Variants in PPL observed in about 807,000 individuals in gnomAD.
PPL encodes the protein 190 kDa paraneoplastic pemphigus antigen.
Under a neutral mutation model 194.4 loss-of-function variants are expected in PPL, and 198 were observed. The ratio of observed to expected loss-of-function variants is 1.02; its 90% CI spans 0.91 to 1.15. The LOEUF is 1.15. Among genes scored for constraint, PPL ranks in the 50% most tolerant of loss-of-function variants. The pLI is 0.00. For synonymous variants in PPL, 1,220 were observed against 972.4 expected, an observed-to-expected ratio of 1.25 and a Z score of -4.74; for missense variants, 2,885 against 2,294.8, an observed-to-expected ratio of 1.26 and a Z score of -5.25.
chr16:4,886,001 G>A lies in PPL; in HGVS notation c.2654C>T (p.Pro885Leu), dbSNP rs368831350. The change falls in exon 22 of 22, where the codon CCG (proline) becomes CTG (leucine). Residue 885 changes from proline (P) to leucine (L), a missense_variant. Coordinates refer to ENST00000345988, the MANE Select transcript of PPL (RefSeq NM_002705.5). ...VTHETLQRNR[P>L]DSGVEEAWKI... is the part of the protein sequence containing the mutation. ...CCACGCCTCCTCCACTCCAGAGTCC[G>A]GCCTATTCCTTTGCAGGGTCTCATG... 81 of 1,613,898 alleles carry A rather than the reference G, an allele frequency of 5.0e-5. No individual in the cohort carries two copies. In the African/African-American group the frequency reaches 8.5e-4, roughly 17 times the overall value.
intron 1 of PPL, among the ~76,000 whole-genome samples, chr16:4,921,987 A>T (rs1382765529): frequency 1.3e-5 from 2 of 152,070 alleles, no homozygotes; most frequent in African/African-American, 2.4e-5. Context: ...ACGTGGGCAG[A>T]GAAAGATAAC....
intron 6 of PPL, 117 bp downstream of exon 6, chr16:4,900,713 A>G: frequency 7.0e-7 from 1 of 1,419,428 alleles, no homozygotes. Flanking sequence ...GCTAGGCGTG[A>G]GCCACCATGC....
chr16:4,897,776 AG>A lies in PPL; in HGVS notation c.877-7del. 6.2e-7 allele frequency: 1 copy of A among 1,612,198 alleles called. No homozygotes were observed. On this transcript the variant is annotated splice_region_variant and splice_polypyrimidine_tract_variant and intron_variant, in intron 8 of 21. Coordinates refer to ENST00000345988, the MANE Select transcript of PPL (RefSeq NM_002705.5). ...TGCACAGCCTCCATGTGCGCCTGCC[AG>A]GAAGAGAAGGGGCCGGTCACCACTG...
At chr16:4,886,084 C>T in intron 21 of PPL, 37 bp from the exon 22 acceptor site, 1 of 1,612,504 alleles carries the variant, frequency 6.2e-7, no homozygotes, top group East Asian at 2.2e-5. Flanking sequence ...TAAAGCCAGG[C>T]TCTGGCAGCA....
At position 4,892,175 on chromosome 16, in the gene PPL, C is replaced by T. The variant is rs1004534797; in HGVS notation, c.1689G>A (p.Lys563=). The T allele has an allele frequency of 1.2e-6, 2 of 1,613,660 alleles. No individual in the cohort carries two copies. Among genetic ancestry groups the T allele is most frequent in the African/African-American group, 1.3e-5 (1 of 74,950 alleles). ...CTTCGCCCTCAGCCGTGCTCCGCGTCTTCTCAGGTTCAATCCGCAGTAGCT... is the reference window on the plus strand; with the variant it reads ...CTTCGCCCTCAGCCGTGCTCCGCGTTTTCTCAGGTTCAATCCGCAGTAGCT... The part of the protein sequence containing the change: ...TNELLRIEPE[K]TRSTAEGEAF... The change falls in exon 15 of 22, where the codon AAG becomes AAA. Residue 563 remains lysine (K), a synonymous_variant. Transcript: ENST00000345988.
At chr16:4,911,145 C>T (rs1363722334) in intron 1 of PPL, among the ~76,000 whole-genome samples, 196 bp from the exon 2 acceptor site, 1 of 139,636 alleles carries the variant, frequency 7.2e-6, no homozygotes, top group Non-Finnish European at 1.5e-5. Flanking sequence ...GCCTGGCAGG[C>T]GGTCAGCCTC....
chr16:4,888,371 G>A (rs1310440616), intron 19 of PPL, among the ~76,000 whole-genome samples, 153 bp from the exon 20 acceptor site: 2 of 152,236 alleles, frequency 1.3e-5, no homozygotes, highest in South Asian at 2.1e-4. Context: ...GCACCCTGCA[G>A]TGATTTCCAG....
At chr16:4,915,294 G>T (rs2088896524) in intron 1 of PPL, among the ~76,000 whole-genome samples, 1 of 152,250 alleles carries the variant, frequency 6.6e-6, no homozygotes, top group South Asian at 2.1e-4. Context: ...GAGCAGACAG[G>T]CCAGGCCCAA....
Position 4,930,387 on chromosome 16 carries a change from G to A in PPL, c.62+6597C>T, listed in dbSNP as rs564321717. ...GCAGGGGGCAGCCTGCTCAGGCCTC[G>A]CACTCCTTTCCACTAGCTGGAACCC... On this transcript the variant is annotated intron_variant, in intron 1 of 21. Transcript: ENST00000345988. Among the ~76,000 whole-genome samples the A allele has an allele frequency of 1.3e-3, 197 of 152,292 alleles. 1 individual carries two copies. Among genetic ancestry groups the A allele is most frequent in the African/African-American group, 4.5e-3 (188 of 41,576 alleles).
At chr16:4,934,823 T>A in intron 1 of PPL, among the ~76,000 whole-genome samples, 1 of 151,678 alleles carries the variant, frequency 6.6e-6, no homozygotes, top group East Asian at 1.9e-4. Context: ...GAGGATGGGG[T>A]ACAGGGCTAC....
chr16:4,924,987 C>G (rs531263281), intron 1 of PPL, among the ~76,000 whole-genome samples: 1 of 152,362 alleles, frequency 6.6e-6, no homozygotes, highest in South Asian at 2.1e-4. Context: ...TGTGTGGACA[C>G]AGGTCCCTGC....
At chr16:4,910,996 G>A (rs542457499) in intron 1 of PPL, 47 bp from the exon 2 acceptor site, 11 of 1,517,976 alleles carry the variant, frequency 7.2e-6, no homozygotes, top group South Asian at 1.1e-5. Context: ...CTGGTGGGTG[G>A]GGGCTATGTC....
Position 4,893,239 on chromosome 16 carries a change from T to C in PPL, c.1624A>G (p.Ser542Gly), listed in dbSNP as rs769313152. The change falls in exon 14 of 22, where the codon AGT (serine) becomes GGT (glycine). Residue 542 changes from serine (S) to glycine (G), a missense_variant. Ser to Gly is a moderately conservative substitution (Grantham distance 56). Coordinates refer to ENST00000345988, the MANE Select transcript of PPL (RefSeq NM_002705.5). Reference protein sequence around the residue: ...PLEQGRAVQDSAERAKDLKNI... With the variant: ...PLEQGRAVQDGAERAKDLKNI... ...TTGAGGTCCTTGGCCCGCTCGGCAC[T>C]GTCCTGCACAGCCCGGCCTTGCTCC... 9 of 1,587,134 alleles carry C rather than the reference T, an allele frequency of 5.7e-6. No homozygotes were observed. The South Asian group carries it at 9.0e-5, about 16-fold the overall frequency.
At position 4,930,759 on chromosome 16, in the gene PPL, G is replaced by A. The variant is rs58232606; in HGVS notation, c.62+6225C>T. Among the ~76,000 whole-genome samples the A allele has an allele frequency of 7.1e-3, 1,077 of 152,336 alleles. 7 individuals carry two copies. Among genetic ancestry groups the A allele is most frequent in the African/African-American group, 0.025 (1,022 of 41,582 alleles). ...AAGTGGAAGAGAAGCAGTGAAAAGG[G>A]GTGGGAGGGGCATTCTGGGCAACAG... On this transcript the variant is annotated intron_variant, in intron 1 of 21. Transcript: ENST00000345988.
At chr16:4,933,511 G>A (rs890813884) in intron 1 of PPL, among the ~76,000 whole-genome samples, 1 of 152,154 alleles carries the variant, frequency 6.6e-6, no homozygotes, top group Non-Finnish European at 1.5e-5. Flanking sequence ...CCCCGTGACA[G>A]GTCAGATGCC....
rs139074222 is a variant in PPL at position 4,893,281 on chromosome 16, T to C, written c.1582A>G (p.Ile528Val). Reference sequence around the variant, plus strand: ...CCTTGCTCCAGTGGTGGCCGCAGGATCCCTGTGATGGCCTTCTCCTGCCGG... The same window carrying C: ...CCTTGCTCCAGTGGTGGCCGCAGGACCCCTGTGATGGCCTTCTCCTGCCGG... ...LDRQEKAITG[I>V]LRPPLEQGRA... The change falls in exon 14 of 22, where the codon ATC becomes GTC. Residue 528 changes from isoleucine to valine, a missense_variant. Physicochemically the swap from Ile to Val is conservative, Grantham distance 29. Transcript: ENST00000345988. The C allele has an allele frequency of 1.1e-4, 177 of 1,602,600 alleles. No individual in the cohort carries two copies. Among genetic ancestry groups the C allele is most frequent in the Non-Finnish European group, 1.4e-4 (170 of 1,177,488 alleles).
In PPL at chr16:4,893,240, G is replaced by A. The variant is rs1318173740; in HGVS notation, c.1623C>T (p.Asp541=). 6.3e-6 allele frequency: 10 copies of A among 1,588,048 alleles called. No homozygotes were observed. Among genetic ancestry groups the A allele is most frequent in the East Asian group, 2.3e-5 (1 of 44,090 alleles). ...PPLEQGRAVQ[D]SAERAKDLKN... is the part of the protein sequence containing the mutation. Reference sequence around the variant, plus strand: ...TGAGGTCCTTGGCCCGCTCGGCACTGTCCTGCACAGCCCGGCCTTGCTCCA... The same window carrying A: ...TGAGGTCCTTGGCCCGCTCGGCACTATCCTGCACAGCCCGGCCTTGCTCCA... Residue 541 remains aspartate (D), a synonymous_variant, in exon 14 of 22, where the codon GAC becomes GAT. Coordinates refer to ENST00000345988, the MANE Select transcript of PPL (RefSeq NM_002705.5).
chr16:4,909,534 C>T (rs1263720051), intron 2 of PPL, among the ~76,000 whole-genome samples: 4 of 149,924 alleles, frequency 2.7e-5, no homozygotes, highest in Non-Finnish European at 5.9e-5. Context: ...TCAAGCGATT[C>T]TCCTGCCTCA....
At position 4,883,372 on chromosome 16, in the gene PPL, C is replaced by A; in HGVS notation, c.*12G>T. On this transcript the variant is annotated 3_prime_UTR_variant, in exon 22 of 22. Coordinates refer to ENST00000345988, the MANE Select transcript of PPL (RefSeq NM_002705.5). This position sits in a 1 kb window ranked among gnomAD's most constrained non-coding sequence, Gnocchi z 4.8. ...CAGCGTCTGCCGTTACGAAGAGTTGCAAGAGCTGTGCCTACTTCTGCCCAG... is the reference window on the plus strand; with the variant it reads ...CAGCGTCTGCCGTTACGAAGAGTTGAAAGAGCTGTGCCTACTTCTGCCCAG... The A allele has an allele frequency of 1.2e-6, 2 of 1,613,550 alleles. No homozygotes were observed. The highest frequency in any genetic ancestry group is 1.7e-6 in the Non-Finnish European group (2 of 1,179,972).
Sources: gnomAD v4.1 joint callset for allele counts (sites outside exome capture counted in the v4.1 genomes callset) on GRCh38, gnomAD v4.1.1 for gene constraint, Gnocchi (gnomAD v3.1) non-coding constraint, MANE v1.5 for transcripts, NCBI Gene and HGNC (gene_info 2026-07-23, HGNC 2026-07-21) for gene names.